Variants in SLC5A5 observed in about 807,000 individuals in gnomAD.
SLC5A5 encodes the protein sodium/iodide cotransporter.
In SLC5A5, 56 loss-of-function variants were observed where a neutral mutation model predicts 68.6. The observed-to-expected ratio is 0.82, with a 90% CI of 0.66 to 1.02. SLC5A5 has a LOEUF of 1.02. SLC5A5 is among the 50% of genes least tolerant of loss of function. SLC5A5 has a pLI of 0.00. For missense variants in SLC5A5, 807 were observed against 859.8 expected (o/e 0.94, Z 0.77); for synonymous variants, 398 against 373.0 (o/e 1.07, Z -0.77).
rs1296784715 is a variant in SLC5A5, at chr19:17,874,548, G to A, written c.475+3G>A. On this transcript the variant is annotated splice_donor_region_variant and intron_variant, in intron 3 of 14. Coordinates refer to ENST00000222248, the MANE Select transcript of SLC5A5 (RefSeq NM_000453.3). ...ACCGGCCCTCATCCTGAACCAAGGT[G>A]TGACTCTGGGAGATTAGGGAAGCAT... 3.1e-6 allele frequency: 5 copies of A among 1,613,770 alleles called. No homozygotes were observed. In the East Asian group the frequency reaches 8.9e-5, roughly 29 times the overall value.
rs1283593388 is a variant in SLC5A5 at position 17,888,433 on chromosome 19, A to G, written c.1629A>G (p.Gly543=). ...ALGTLTTVLC[G]ALISCLTGPT... ...GCACGCTGACCACTGTGCTGTGCGG[A>G]GCCCTCATCAGCTGCCTGACAGGTA... The change falls in exon 13 of 15, where the codon GGA becomes GGG. Residue 543 remains glycine, a synonymous_variant. Coordinates refer to ENST00000222248, the MANE Select transcript of SLC5A5 (RefSeq NM_000453.3). 2 of 1,613,776 alleles carry G rather than the reference A, an allele frequency of 1.2e-6. No individual in the cohort carries two copies. Among genetic ancestry groups the G allele is most frequent in the Non-Finnish European group, 1.7e-6 (2 of 1,179,980 alleles).
intron 7 of SLC5A5, among the ~76,000 whole-genome samples, chr19:17,880,217 CTTTT>C (rs55961004): frequency 7.2e-6 from 1 of 139,100 alleles, no homozygotes. Context: ...TCTTTTCTTT[CTTTT>C]TTTTTTTTTT....
chr19:17,893,947 C>A lies in SLC5A5; in HGVS notation c.*70C>A. 1 of 1,434,352 alleles carries A rather than the reference C, an allele frequency of 7.0e-7. No individual in the cohort carries two copies. Among genetic ancestry groups the A allele is most frequent in the Non-Finnish European group, 9.6e-7 (1 of 1,040,974 alleles). 88.9% of individuals were successfully genotyped at this position (1,434,352 alleles called of 1,614,324 possible). The stretch of plus-strand genomic sequence containing the variant: ...GGATGGGCCAAACCCAGACAACGGG[C>A]CCATGGCCTTGGGCTCTGATTGGCT... On this transcript the variant is annotated 3_prime_UTR_variant, in exon 15 of 15. Transcript: ENST00000222248.
chr19:17,893,618 C>T (rs568900515), intron 14 of SLC5A5, 95 bp from the exon 15 acceptor site: 2 of 1,286,406 alleles, frequency 1.6e-6, no homozygotes, highest in Admixed American at 1.8e-5. Flanking sequence ...CCCCGTCCCG[C>T]CAGGTCATCA....
Position 17,883,867 on chromosome 19 carries a change from A to T in SLC5A5, c.1347A>T (p.Leu449=), listed in dbSNP as rs774886103. The T allele has an allele frequency of 1.3e-6, 2 of 1,589,134 alleles. No individual in the cohort carries two copies. Among genetic ancestry groups the T allele is most frequent in the South Asian group, 2.3e-5 (2 of 88,852 alleles). The change falls in exon 12 of 15, where the codon CTA becomes CTT. Residue 449 remains leucine (L), a synonymous_variant. Coordinates refer to ENST00000222248, the MANE Select transcript of SLC5A5 (RefSeq NM_000453.3). ...GCCCCCAGGGCGTCCTCGCGGGACT[A>T]GGCGCGGGCTTGGCGCTGTCGCTGT... ...ACNTPGVLAG[L]GAGLALSLWV...
chr19:17,890,825 T>A (rs1000434039), intron 13 of SLC5A5, 61 bp from the exon 14 acceptor site: 3 of 1,165,446 alleles, frequency 2.6e-6, no homozygotes, highest in Non-Finnish European at 3.9e-6. Flanking sequence ...GGACCTGGTC[T>A]CCAACCCCCA....
chr19:17,882,263 G>A, intron 10 of SLC5A5, 44 bp downstream of exon 10: 1 of 1,492,826 alleles, frequency 6.7e-7, no homozygotes, highest in Non-Finnish European at 9.3e-7. Context: ...TGAGAGGTGG[G>A]GGCACCTTTC....
At chr19:17,873,671 G>A (rs2094299675) in intron 1 of SLC5A5, among the ~76,000 whole-genome samples, 1 of 151,856 alleles carries the variant, frequency 6.6e-6, no homozygotes, top group Admixed American at 6.6e-5. Context: ...CAGAAGAATT[G>A]CTTGAACCTG....
chr19:17,875,918 C>T (rs1472440753), intron 4 of SLC5A5, 34 bp from the exon 5 acceptor site: 8 of 1,613,538 alleles, frequency 5.0e-6, no homozygotes, highest in East Asian at 2.2e-5. Context: ...CCCCATCTAA[C>T]CGCCCCTCTC....
At chr19:17,891,088 C>A in intron 14 of SLC5A5, 87 bp downstream of exon 14, 1 of 830,148 alleles carries the variant, frequency 1.2e-6, no homozygotes, top group South Asian at 1.3e-5. Flanking sequence ...CATGGTATAT[C>A]AGCACCTTTC....
Position 17,894,140 on chromosome 19 carries a change from T to A in SLC5A5, c.*263T>A. 3 of 365,154 alleles carry A rather than the reference T, an allele frequency of 8.2e-6. No homozygotes were observed. The highest frequency in any genetic ancestry group is 9.9e-6 in the Non-Finnish European group (2 of 201,924). 22.6% of individuals were successfully genotyped at this position (365,154 alleles called of 1,614,324 possible). A position where few individuals can be genotyped will look rare whatever the true frequency, so the allele number is the denominator to read the frequency against. ...CCAAATAAGGCTGGGTTTTTCTCTC[T>A]CTCTTTTTTTTTTTTTTTTTTTTTT... On this transcript the variant is annotated 3_prime_UTR_variant, in exon 15 of 15. Coordinates refer to ENST00000222248, the MANE Select transcript of SLC5A5 (RefSeq NM_000453.3).
chr19:17,888,277 A>G, intron 12 of SLC5A5, 54 bp from the exon 13 acceptor site: 1 of 1,609,066 alleles, frequency 6.2e-7, no homozygotes, highest in East Asian at 2.2e-5. Flanking sequence ...ACAGCTTTTG[A>G]GTGCAGGCAG....
rs760944975 is a variant in SLC5A5 at position 17,882,143 on chromosome 19, C to A, written c.1172-6C>A. ...CCGTTGACCGTGCCATCCTCATCCA[C>A]TACAGCACTCATCTACGGATCGGCC... On this transcript the variant is annotated splice_region_variant and splice_polypyrimidine_tract_variant and intron_variant, in intron 9 of 14. Coordinates refer to ENST00000222248, the MANE Select transcript of SLC5A5 (RefSeq NM_000453.3). The A allele has an allele frequency of 6.2e-7, 1 of 1,614,068 alleles. No individual in the cohort carries two copies. The highest frequency in any genetic ancestry group is 1.1e-5 in the South Asian group (1 of 91,088).
Position 17,877,945 on chromosome 19 carries a change from A to C in SLC5A5, c.840-19A>C. 6.2e-7 allele frequency: 1 copy of C among 1,613,654 alleles called. No individual in the cohort carries two copies. The highest frequency in any genetic ancestry group is 1.1e-5 in the South Asian group (1 of 91,092). ...AGCCTGAGGCTATCCCCTAAGCCTG[A>C]GGCTGCCTCTTCCCCCAGGGCCCTG... On this transcript the variant is annotated intron_variant, in intron 6 of 14. Transcript: ENST00000222248.
chr19:17,893,425 G>A (rs574256619), intron 14 of SLC5A5, among the ~76,000 whole-genome samples: 2 of 152,078 alleles, frequency 1.3e-5, no homozygotes, highest in South Asian at 2.1e-4. Context: ...TTTCTTGAAG[G>A]TGAACAGGCA....
At position 17,880,953 on chromosome 19, in the gene SLC5A5, GGTGAGCAC is replaced by G; in HGVS notation, c.1058+1_1058+8del. 6.2e-7 allele frequency: 1 copy of G among 1,611,206 alleles called. No individual in the cohort carries two copies. Among genetic ancestry groups the G allele is most frequent in the Non-Finnish European group, 8.5e-7 (1 of 1,177,432 alleles). ...GCCTGTGCTTACAGTGGCACCCTCA[GGTGAGCAC>G]CCCTGCTTGTTCATGGAGCATTATT... is the stretch of plus-strand genomic sequence containing the variant. On this transcript the variant is annotated splice_donor_variant and splice_donor_5th_base_variant and intron_variant, in intron 8 of 14. Coordinates refer to ENST00000222248, the MANE Select transcript of SLC5A5 (RefSeq NM_000453.3).
rs1433768271 is a variant in SLC5A5, at chr19:17,871,961, A to G, written c.-359A>G. ...TCACGAGCTGCTCCCGTAAGCCCCA[A>G]GGCGACCTCCAGCTGTCAGCGCTGA... On this transcript the variant is annotated 5_prime_UTR_variant, in exon 1 of 15. Coordinates refer to ENST00000222248, the MANE Select transcript of SLC5A5 (RefSeq NM_000453.3). 3.3e-6 allele frequency: 1 copy of G among 303,644 alleles called. No homozygotes were observed. Among genetic ancestry groups the G allele is most frequent in the African/African-American group, 2.3e-5 (1 of 44,006 alleles). The allele number at this position is 303,644 out of a possible 1,614,324, so 18.8% of individuals were successfully genotyped here.
Position 17,882,155 on chromosome 19 carries a change from T to G in SLC5A5, c.1178T>G (p.Ile393Ser). Reference protein sequence around the residue: ...LVIISKGLSLIYGSACLTVAA... With the variant: ...LVIISKGLSLSYGSACLTVAA... ...CCATCCTCATCCACTACAGCACTCA[T>G]CTACGGATCGGCCTGTCTCACCGTG... Residue 393 changes from isoleucine (I) to serine (S), a missense_variant, in exon 10 of 15, where the codon ATC (isoleucine) becomes AGC (serine). Transcript: ENST00000222248. 6.2e-7 allele frequency: 1 copy of G among 1,614,086 alleles called. No individual in the cohort carries two copies. Among genetic ancestry groups the G allele is most frequent in the African/African-American group, 1.3e-5 (1 of 75,016 alleles).
At chr19:17,882,336 A>G (rs991067848) in intron 10 of SLC5A5, 117 bp downstream of exon 10, 22 of 785,364 alleles carry the variant, frequency 2.8e-5, no homozygotes, top group African/African-American at 2.0e-4. Flanking sequence ...ACTCACTTCT[A>G]TGTTTTTTTT....
Sources: allele counts gnomAD v4.1 joint callset (sites outside exome capture counted in the v4.1 genomes callset), GRCh38; gene constraint gnomAD v4.1.1; transcripts MANE v1.5; gene names NCBI Gene and HGNC (gene_info 2026-07-23, HGNC 2026-07-21).